Variants in PKIB observed in about 807,000 individuals in gnomAD.
PKIB encodes the protein PKI-beta.
Under a neutral mutation model 4.5 loss-of-function variants are expected in PKIB, and 2 were observed. The observed-to-expected ratio is 0.44, with a 90% CI of 0.18 to 1.39. PKIB has a LOEUF of 1.39. Ranked by LOEUF, PKIB falls within the 40% of genes most tolerant of loss-of-function variation. The pLI is 0.27. For missense variants in PKIB, 94 were observed against 92.6 expected, an observed-to-expected ratio of 1.02 and a Z score of -0.06; for synonymous variants, 38 against 36.0, an observed-to-expected ratio of 1.06 and a Z score of -0.20.
intron 2 of PKIB, 122 bp from the exon 3 acceptor site, chr6:122,674,956 A>G (rs1777613331): frequency 6.6e-6 from 1 of 152,408 alleles, no homozygotes; most frequent in Non-Finnish European, 1.5e-5. Context: ...CGAGAAAGTC[A>G]GGCAAGTCAT....
intron 2 of PKIB, chr6:122,643,746 A>G (rs1776205194): frequency 6.6e-6 from 1 of 152,234 alleles, no homozygotes; most frequent in South Asian, 2.1e-4. Context: ...AGGGAAGTGT[A>G]AATGTATGGT....
chr6:122,688,620 C>T (rs1778187933), intron 3 of PKIB, among the ~76,000 whole-genome samples: 1 of 151,974 alleles, frequency 6.6e-6, no homozygotes, highest in African/African-American at 2.4e-5. Flanking sequence ...ATTATGGCTT[C>T]AGTCTTGTTA....
intron 3 of PKIB, among the ~76,000 whole-genome samples, chr6:122,598,742 C>T (rs1019989160): frequency 1.3e-5 from 2 of 152,154 alleles, no homozygotes; most frequent in African/African-American, 2.4e-5. Flanking sequence ...ATTTCCAGCT[C>T]GCTCACAATG....
intron 2 of PKIB, among the ~76,000 whole-genome samples, chr6:122,557,583 C>A (rs1181886076): frequency 1.3e-5 from 2 of 152,192 alleles, no homozygotes; most frequent in Non-Finnish European, 2.9e-5. Flanking sequence ...TGTGGCTAGA[C>A]AAAGTGACAA....
chr6:122,652,391 G>C (rs1293391364), intron 2 of PKIB, among the ~76,000 whole-genome samples: 1 of 151,722 alleles, frequency 6.6e-6, no homozygotes, highest in Non-Finnish European at 1.5e-5. Flanking sequence ...GGCTGGCTGG[G>C]CAAGTCCAAA....
rs1776692246 is a variant in PKIB, at chr6:122,514,688, T to TTTTTGG, written c.-248+36754_-248+36755insGTTTTG. On this transcript the variant is annotated intron_variant, in intron 2 of 6. Transcript: ENST00000392491. Reference sequence around the variant, plus strand: ...ATATTGCTTTAGAGAGTAGTGGGTTTTTTTGTTTTTGTTTTTGTTTCTCAA... The same window carrying TTTTTGG: ...ATATTGCTTTAGAGAGTAGTGGGTTTTTTTGGTTTTGTTTTTGTTTTTGTTTCTCAA... 5.9e-5 allele frequency among the ~76,000 whole-genome samples: 9 copies of TTTTTGG among 152,262 alleles called. No homozygotes were observed. The South Asian group carries it at 1.9e-3, about 32-fold the overall frequency.
At chr6:122,540,580 T>G (rs1446462245) in intron 2 of PKIB, among the ~76,000 whole-genome samples, 1 of 151,842 alleles carries the variant, frequency 6.6e-6, no homozygotes, top group African/African-American at 2.4e-5. Context: ...TTACATTTGC[T>G]GAGGAGTGCT....
chr6:122,704,728 C>CTGTGTGTGTGTGTG (rs113825379), intron 3 of PKIB, among the ~76,000 whole-genome samples: 104 of 149,298 alleles, frequency 7.0e-4, no homozygotes, highest in South Asian at 1.3e-3. Flanking sequence ...GAAATAATAA[C>CTGTGTGTGTGTGTG]TGTGTGTGTG....
intron 2 of PKIB, among the ~76,000 whole-genome samples, chr6:122,513,803 A>C (rs567004486): frequency 6.6e-6 from 1 of 152,338 alleles, no homozygotes; most frequent in South Asian, 2.1e-4. Flanking sequence ...TGCAAAGGAC[A>C]TGACTTCGTT....
chr6:122,617,890 A>C (rs1405909745), intron 1 of PKIB, among the ~76,000 whole-genome samples: 1 of 152,090 alleles, frequency 6.6e-6, no homozygotes, highest in African/African-American at 2.4e-5. Context: ...GTTTTTGTAC[A>C]TTTGTAAGGA....
rs1417398323 is a variant in PKIB, at chr6:122,576,708, A to T, written c.-247-9213A>T. Reference sequence around the variant, plus strand: ...AAAAAAAATATATATATATATATATATATTTTCTTTTGTATAATTATACCT... The same window carrying T: ...AAAAAAAATATATATATATATATATTTATTTTCTTTTGTATAATTATACCT... On this transcript the variant is annotated intron_variant, in intron 2 of 6. Transcript: ENST00000392491. Among the ~76,000 whole-genome samples, 28 of 113,922 alleles carry T rather than the reference A, an allele frequency of 2.5e-4. 1 individual carries two copies. Among genetic ancestry groups the T allele is most frequent in the African/African-American group, 1.1e-3 (27 of 25,616 alleles). The allele number at this position is 113,922 out of a possible 152,430, so 74.7% of individuals were successfully genotyped here.
chr6:122,576,991 C>G (rs929932804), intron 2 of PKIB, among the ~76,000 whole-genome samples: 8 of 151,974 alleles, frequency 5.3e-5, no homozygotes, highest in African/African-American at 1.9e-4. Flanking sequence ...TACATTTCTT[C>G]ATATATTAAT....
At chr6:122,703,916 A>G (rs73546164) in intron 3 of PKIB, among the ~76,000 whole-genome samples, 44,413 of 139,528 alleles carry the variant, frequency 0.32, 7,870 homozygotes, top group South Asian at 0.57. Context: ...CTATATATAT[A>G]TGTGTGTATA....
At chr6:122,549,440 T>C (rs1772603380) in intron 2 of PKIB, among the ~76,000 whole-genome samples, 1 of 152,184 alleles carries the variant, frequency 6.6e-6, no homozygotes, top group African/African-American at 2.4e-5. Context: ...TAATTATTTG[T>C]TTCACGTTTT....
chr6:122,601,888 C>T (rs548245015), intron 3 of PKIB, among the ~76,000 whole-genome samples: 6 of 152,036 alleles, frequency 3.9e-5, no homozygotes, highest in East Asian at 3.9e-4. Flanking sequence ...TTTCAACAGG[C>T]GAGGGTTCAG....
At chr6:122,654,191 G>T (rs1745185734) in intron 2 of PKIB, among the ~76,000 whole-genome samples, 1 of 152,178 alleles carries the variant, frequency 6.6e-6, no homozygotes, top group Non-Finnish European at 1.5e-5. Flanking sequence ...GAAGTGTGAA[G>T]AATTTAGGGT....
At chr6:122,499,753 A>G (rs1348243060) in intron 2 of PKIB, among the ~76,000 whole-genome samples, 1 of 152,298 alleles carries the variant, frequency 6.6e-6, no homozygotes, top group East Asian at 1.9e-4. Context: ...CCAAATAGGA[A>G]AAGAAGAAGC....
chr6:122,712,257 T>C (rs909513765), intron 3 of PKIB, among the ~76,000 whole-genome samples: 1 of 152,160 alleles, frequency 6.6e-6, no homozygotes, highest in Non-Finnish European at 1.5e-5. Flanking sequence ...TTGTAACTTG[T>C]GGGCCAGCAA....
chr6:122,568,264 G>A (rs977340457), intron 2 of PKIB, among the ~76,000 whole-genome samples: 2 of 152,096 alleles, frequency 1.3e-5, no homozygotes, highest in Non-Finnish European at 2.9e-5. Context: ...AGTGTGTAGA[G>A]ATTCACACCA....
Sources: gnomAD v4.1 joint callset for allele counts (sites outside exome capture counted in the v4.1 genomes callset) on GRCh38, gnomAD v4.1.1 for gene constraint, MANE v1.5 for transcripts, NCBI Gene and HGNC (gene_info 2026-07-23, HGNC 2026-07-21) for gene names.